The following DTWD1 variants were observed in gnomAD, a reference collection of about 807,000 sequenced individuals.
DTWD1 encodes the protein tRNA-uridine aminocarboxypropyltransferase 1.
In DTWD1, 27 loss-of-function variants were observed where a neutral mutation model predicts 30.2. The observed-to-expected ratio is 0.90, with a 90% CI of 0.66 to 1.23. The LOEUF is 1.23. DTWD1 is among the 50% of genes most tolerant of loss of function. The probability of loss-of-function intolerance (pLI) is 0.00; values close to 1 mark genes in which losing one functional copy is unlikely to be tolerated. For synonymous variants in DTWD1, 99 were observed against 113.1 expected, an observed-to-expected ratio of 0.88 and a Z score of 0.79; for missense variants, 342 against 348.8, an observed-to-expected ratio of 0.98 and a Z score of 0.15.
chr15:49,630,034 C>A (rs1349510715), intron 2 of DTWD1: 1 of 152,186 alleles, frequency 6.6e-6, no homozygotes, highest in African/African-American at 2.4e-5. Flanking sequence ...GACACACACA[C>A]ACACACAACA....
intron 4 of DTWD1, among the ~76,000 whole-genome samples, chr15:49,639,423 G>A (rs1056855161): frequency 3.9e-5 from 6 of 152,084 alleles, no homozygotes; most frequent in East Asian, 3.9e-4. Context: ...TTAGCAAGGC[G>A]TGGTAGTGTG....
rs73406091 is a variant in DTWD1, at chr15:49,649,407, C to T, written c.*5829C>T. The T allele has an allele frequency of 0.079, 12,080 of 152,062 alleles. 1,321 individuals carry two copies. Among genetic ancestry groups the T allele is most frequent in the African/African-American group, 0.25 (10,166 of 41,434 alleles). The allele number at this position is 152,062 out of a possible 1,614,324, so 9.4% of individuals were successfully genotyped here. On this transcript the variant is annotated 3_prime_UTR_variant, in exon 5 of 5. Transcript: ENST00000403028. ...ATACTGAAGATGTTTTCCAGTAAAA[C>T]GGAGAAGGAAACCAAAAACCAAAAA...
In DTWD1 at chr15:49,654,684, G is replaced by A. The variant is rs1282116155; in HGVS notation, c.*11106G>A. ...TTTTTTTCTTTAAAAAAATGAGATT[G>A]TGGAACCTGAAAATACAGTGTAGTA... On this transcript the variant is annotated 3_prime_UTR_variant, in exon 5 of 5. Transcript: ENST00000403028. 6.6e-6 allele frequency: 1 copy of A among 151,642 alleles called. No individual in the cohort carries two copies. Among genetic ancestry groups the A allele is most frequent in the Non-Finnish European group, 1.5e-5 (1 of 67,934 alleles). 9.4% of individuals were successfully genotyped at this position (151,642 alleles called of 1,614,324 possible).
At chr15:49,630,967 G>T (rs183715452) in intron 2 of DTWD1, 2 of 446,664 alleles carry the variant, frequency 4.5e-6, no homozygotes. Context: ...AGAATCCAAT[G>T]CCTGAAGATC....
At position 49,651,995 on chromosome 15, in the gene DTWD1, A is replaced by G. The variant is rs542206839; in HGVS notation, c.*8417A>G. On this transcript the variant is annotated 3_prime_UTR_variant, in exon 5 of 5. Coordinates refer to ENST00000403028, the MANE Select transcript of DTWD1 (RefSeq NM_001144955.2). ...GATGCCATACTCCAAGATACAGAGTATGTACTGGATCAATTATCCTTATAT... is the reference window on the plus strand; with the variant it reads ...GATGCCATACTCCAAGATACAGAGTGTGTACTGGATCAATTATCCTTATAT... 1 of 152,218 alleles carries G rather than the reference A, an allele frequency of 6.6e-6. No homozygotes were observed. The highest frequency in any genetic ancestry group is 2.1e-4 in the South Asian group (1 of 4,828). 9.4% of individuals were successfully genotyped at this position (152,218 alleles called of 1,614,324 possible). A position where few individuals can be genotyped will look rare whatever the true frequency, so the allele number is the denominator to read the frequency against.
Position 49,645,671 on chromosome 15 carries a change from GAAAA to G in DTWD1, c.*2100_*2103del, listed in dbSNP as rs1167005349. 6.9e-6 allele frequency: 1 copy of G among 144,038 alleles called. No individual in the cohort carries two copies. The highest frequency in any genetic ancestry group is 1.5e-5 in the Non-Finnish European group (1 of 65,412). 8.9% of individuals were successfully genotyped at this position (144,038 alleles called of 1,614,324 possible). Reference sequence around the variant, plus strand: ...TAAACATAACAGTTCAGAGGGAAAAGAAAAAAAAAAGCGAGAGACAGAGAACAAT... The same window carrying G: ...TAAACATAACAGTTCAGAGGGAAAAGAAAAAAGCGAGAGACAGAGAACAAT... On this transcript the variant is annotated 3_prime_UTR_variant, in exon 5 of 5. Transcript: ENST00000403028.
At chr15:49,626,130 A>G (rs2078841099) in intron 2 of DTWD1, among the ~76,000 whole-genome samples, 1 of 152,130 alleles carries the variant, frequency 6.6e-6, no homozygotes, top group Non-Finnish European at 1.5e-5. Context: ...ATTTATTTAC[A>G]ACATGGGAAA....
chr15:49,633,049 C>CTATATCTATATATATATATA (rs774517463), intron 3 of DTWD1, among the ~76,000 whole-genome samples: 2 of 117,316 alleles, frequency 1.7e-5, no homozygotes, highest in African/African-American at 3.3e-5. Flanking sequence ...ATATCTATAT[C>CTATATCTATATATATATATA]TATATATATA....
chr15:49,628,657 T>A (rs1302811680), intron 2 of DTWD1, among the ~76,000 whole-genome samples: 1 of 152,162 alleles, frequency 6.6e-6, no homozygotes, highest in Non-Finnish European at 1.5e-5. Flanking sequence ...TTGTGGTAAG[T>A]CTCTTTTATA....
At chr15:49,632,522 C>G (rs1168231359) in intron 3 of DTWD1, among the ~76,000 whole-genome samples, 5 of 152,164 alleles carry the variant, frequency 3.3e-5, no homozygotes, top group Non-Finnish European at 7.4e-5. Context: ...CATTTTATAG[C>G]TCTTCTGCCT....
Position 49,651,293 on chromosome 15 carries a change from A to G in DTWD1, c.*7715A>G, listed in dbSNP as rs886194763. The G allele has an allele frequency of 6.6e-6, 1 of 152,196 alleles. No individual in the cohort carries two copies. The highest frequency in any genetic ancestry group is 3.2e-3 in the Middle Eastern group (1 of 316). 9.4% of individuals were successfully genotyped at this position (152,196 alleles called of 1,614,324 possible). On this transcript the variant is annotated 3_prime_UTR_variant, in exon 5 of 5. Transcript: ENST00000403028. ...GGACATACTTGTGTCAAGTATGTAC[A>G]TGAACTGTGAAGGTCTCTGTATTAC...
intron 4 of DTWD1, among the ~76,000 whole-genome samples, chr15:49,640,564 G>T (rs543056635): frequency 5.9e-5 from 9 of 151,896 alleles, no homozygotes; most frequent in Non-Finnish European, 8.8e-5. Context: ...ATGTATAAGC[G>T]CTCCATTGAT....
chr15:49,635,787 C>G (rs139225585), intron 4 of DTWD1, among the ~76,000 whole-genome samples: 1 of 152,178 alleles, frequency 6.6e-6, no homozygotes. Flanking sequence ...AGCCACCACG[C>G]GCAGCCTTCC....
Position 49,634,538 on chromosome 15 carries a change from T to G in DTWD1, c.411T>G (p.Val137=). The G allele has an allele frequency of 6.2e-7, 1 of 1,607,372 alleles. No individual in the cohort carries two copies. Among genetic ancestry groups the G allele is most frequent in the Non-Finnish European group, 8.5e-7 (1 of 1,177,428 alleles). ...TAACCCAATTTTCTTTGTTTTAGGT[T>G]GCACTCATTTTTCCTGGACCTCAGT... The part of the protein sequence containing the change: ...IPEYEEKDHE[V]ALIFPGPQSI... Residue 137 remains valine (V), a splice_region_variant and synonymous_variant, in exon 4 of 5, where the codon GTT becomes GTG. Transcript: ENST00000403028.
Position 49,647,706 on chromosome 15 carries a change from C to T in DTWD1, c.*4128C>T, listed in dbSNP as rs1391457649. ...AAAATCACCACCCATACATAAGAGC[C>T]AAACATCACTAGACACTTGGTGAAA... On this transcript the variant is annotated 3_prime_UTR_variant, in exon 5 of 5. Coordinates refer to ENST00000403028, the MANE Select transcript of DTWD1 (RefSeq NM_001144955.2). 1 of 151,762 alleles carries T rather than the reference C, an allele frequency of 6.6e-6. No homozygotes were observed. Among genetic ancestry groups the T allele is most frequent in the East Asian group, 1.9e-4 (1 of 5,170 alleles). The allele number at this position is 151,762 out of a possible 1,614,324, so 9.4% of individuals were successfully genotyped here. A position where few individuals can be genotyped will look rare whatever the true frequency, so the allele number is the denominator to read the frequency against.
intron 2 of DTWD1, chr15:49,626,722 T>A (rs755339432): frequency 2.3e-6 from 1 of 439,382 alleles, no homozygotes. Flanking sequence ...ACTTTGACAC[T>A]CATATTTTAT....
chr15:49,629,840 G>C (rs1256118741), intron 2 of DTWD1: 2 of 152,178 alleles, frequency 1.3e-5, no homozygotes, highest in East Asian at 3.9e-4. Context: ...AGCGGGGAGG[G>C]TAGGAGATAC....
Position 49,625,823 on chromosome 15 carries a change from G to A in DTWD1, c.264+392G>A, listed in dbSNP as rs554012363. 2.6e-5 allele frequency among the ~76,000 whole-genome samples: 4 copies of A among 152,244 alleles called. No individual in the cohort carries two copies. In the East Asian group the frequency reaches 7.7e-4, roughly 29 times the overall value. ...TAAAAGGAGGGGTTAGGAGTGGTCTGTCCACTATAGTATAAGGCATGTCTG... is the reference window on the plus strand; with the variant it reads ...TAAAAGGAGGGGTTAGGAGTGGTCTATCCACTATAGTATAAGGCATGTCTG... On this transcript the variant is annotated intron_variant, in intron 2 of 4. Coordinates refer to ENST00000403028, the MANE Select transcript of DTWD1 (RefSeq NM_001144955.2).
rs1362133734 is a variant in DTWD1, at chr15:49,655,779, G to A, written c.*12201G>A. ...TCTTTTCCCTGAGATCATTTATGATGTGGAAATTACTTTGCTGGCTGAAGT... is the reference window on the plus strand; with the variant it reads ...TCTTTTCCCTGAGATCATTTATGATATGGAAATTACTTTGCTGGCTGAAGT... On this transcript the variant is annotated 3_prime_UTR_variant, in exon 5 of 5. Transcript: ENST00000403028. 1.3e-5 allele frequency: 2 copies of A among 152,000 alleles called. No individual in the cohort carries two copies. The highest frequency in any genetic ancestry group is 4.8e-5 in the African/African-American group (2 of 41,390). 9.4% of individuals were successfully genotyped at this position (152,000 alleles called of 1,614,324 possible). A position where few individuals can be genotyped will look rare whatever the true frequency, so the allele number is the denominator to read the frequency against.
Sources: gnomAD v4.1 joint callset for allele counts (sites outside exome capture counted in the v4.1 genomes callset) on GRCh38, gnomAD v4.1.1 for gene constraint, MANE v1.5 for transcripts, NCBI Gene and HGNC (gene_info 2026-07-23, HGNC 2026-07-21) for gene names.